The following PCNX2 variants were observed in gnomAD, a reference collection of about 807,000 sequenced individuals.
The protein encoded by PCNX2 is pecanex 2.
A neutral mutation model predicts 223.8 loss-of-function variants in PCNX2; 168 were observed. That is an observed-to-expected ratio of 0.75 (90% CI 0.66 to 0.85). The LOEUF is 0.85. Among genes scored for constraint, PCNX2 ranks in the 40% least tolerant of loss-of-function variants. The pLI is 0.00. For missense variants in PCNX2, 2,507 were observed against 2,675.5 expected (o/e 0.94, Z 1.39); for synonymous variants, 1,006 against 1,052.6 (o/e 0.96, Z 0.86).
chr1:233,202,276 A>C, intron 13 of PCNX2: 1 of 460,146 alleles, frequency 2.2e-6, no homozygotes, highest in South Asian at 1.6e-5. Flanking sequence ...TTCTGTTAGC[A>C]TACCACTGAG....
intron 5 of PCNX2, among the ~76,000 whole-genome samples, chr1:233,256,362 C>T (rs1263444602): frequency 6.6e-6 from 1 of 152,158 alleles, no homozygotes; most frequent in Non-Finnish European, 1.5e-5. Context: ...AGAAGAAACT[C>T]CAACACAGAT....
rs1669638001 is a variant in PCNX2, at chr1:232,990,048, T to C, written c.5792-3508A>G. Among the ~76,000 whole-genome samples the C allele has an allele frequency of 6.6e-6, 1 of 152,236 alleles. No individual in the cohort carries two copies. Among genetic ancestry groups the C allele is most frequent in the South Asian group, 2.1e-4 (1 of 4,838 alleles). ...CTGGCCAAGCAGGTCTCTGGCTTCC[T>C]TTCTGGGAGCTGTGTGTCTCAACTC... On this transcript the variant is annotated intron_variant, in intron 32 of 33. Coordinates refer to ENST00000258229, the MANE Select transcript of PCNX2 (RefSeq NM_014801.4). This position sits in a 1 kb window ranked among gnomAD's most constrained non-coding sequence, Gnocchi z 4.3.
At chr1:233,226,452 T>C (rs1657725726) in intron 10 of PCNX2, among the ~76,000 whole-genome samples, 1 of 152,164 alleles carries the variant, frequency 6.6e-6, no homozygotes, top group Non-Finnish European at 1.5e-5. Flanking sequence ...GTATTTTTAG[T>C]AGAGATAGGA....
At chr1:233,002,240 T>C (rs1316380613) in intron 28 of PCNX2, among the ~76,000 whole-genome samples, 4 of 152,168 alleles carry the variant, frequency 2.6e-5, no homozygotes, top group African/African-American at 7.2e-5. Context: ...CCACCATTTT[T>C]TTTAATGATG....
chr1:233,241,998 G>A (rs1658800526), intron 8 of PCNX2, among the ~76,000 whole-genome samples: 4 of 152,068 alleles, frequency 2.6e-5, no homozygotes, highest in Admixed American at 2.6e-4. Flanking sequence ...TGGCTTTAGA[G>A]GACTTTCCTG....
At position 233,252,748 on chromosome 1, in the gene PCNX2, A is replaced by C. The variant is rs751785610; in HGVS notation, c.1875T>G (p.Asn625Lys). 16 of 1,612,496 alleles carry C rather than the reference A, an allele frequency of 9.9e-6. No individual in the cohort carries two copies. The highest frequency in any genetic ancestry group is 1.3e-5 in the Non-Finnish European group (15 of 1,179,600). The change falls in exon 6 of 34, where the codon AAT (asparagine) becomes AAG (lysine). Residue 625 changes from asparagine to lysine, a missense_variant. Asn to Lys is a moderately conservative substitution (Grantham distance 94). This residue lies in a region of PCNX2 where 1,031 missense variants were observed against 1,021.7 expected (regional missense o/e 1.01). Transcript: ENST00000258229. ...TAGAACTGTGTCCACTGGGCTTTTC[A>C]TTTTCCAGGATTTCCTCCTTTTTTT... ...SQEKKEEILE[N>K]EKPSGHSSKQ...
At chr1:233,011,841 T>C (rs1315859667) in intron 28 of PCNX2, among the ~76,000 whole-genome samples, 1 of 152,212 alleles carries the variant, frequency 6.6e-6, no homozygotes, top group East Asian at 1.9e-4. Context: ...TCCTTTAAAA[T>C]ATCCTTCATA....
chr1:233,317,496 A>G, the PCNX2 span, among the ~76,000 whole-genome samples: 1 of 152,210 alleles, frequency 6.6e-6, no homozygotes, highest in Non-Finnish European at 1.5e-5. Flanking sequence ...TTAATCTCAT[A>G]TATGTATAAT....
At chr1:233,093,432 G>A (rs370086658) in intron 22 of PCNX2, among the ~76,000 whole-genome samples, 279 of 152,284 alleles carry the variant, frequency 1.8e-3, no homozygotes, top group African/African-American at 6.4e-3. Context: ...CCTTTTCAAT[G>A]CTGAGATGGA....
intron 23 of PCNX2, among the ~76,000 whole-genome samples, chr1:233,060,162 T>C (rs953989232): frequency 1.3e-5 from 2 of 152,188 alleles, no homozygotes; most frequent in African/African-American, 4.8e-5. Context: ...AATACTCTCA[T>C]AGCAGCTTTG....
chr1:233,311,875 T>C, the PCNX2 span, among the ~76,000 whole-genome samples: 1 of 151,986 alleles, frequency 6.6e-6, no homozygotes, highest in African/African-American at 2.4e-5. Context: ...ATCCCAGCAT[T>C]TTGGGAGGCT....
rs555971195 is a variant in PCNX2, at chr1:233,232,933, T to G, written c.2358+3912A>C. On this transcript the variant is annotated intron_variant, in intron 9 of 33. Coordinates refer to ENST00000258229, the MANE Select transcript of PCNX2 (RefSeq NM_014801.4). ...AGAGCTTTAGAGTTTACAAAACACT[T>G]TCACATACAATACTATCTCATTTTT... The G allele has an allele frequency of 8.1e-6, 8 of 984,690 alleles. No individual in the cohort carries two copies. The African/African-American group carries it at 1.4e-4, about 17-fold the overall frequency. 61.0% of individuals were successfully genotyped at this position (984,690 alleles called of 1,614,324 possible).
intron 15 of PCNX2, among the ~76,000 whole-genome samples, chr1:233,183,641 G>A (rs1378966811): frequency 1.3e-5 from 2 of 152,140 alleles, no homozygotes; most frequent in African/African-American, 4.8e-5. Flanking sequence ...AAGAGTCCAC[G>A]CATCAAACAT....
intron 26 of PCNX2, among the ~76,000 whole-genome samples, chr1:233,017,791 G>A (rs1037600377): frequency 7.2e-5 from 11 of 152,164 alleles, no homozygotes; most frequent in Non-Finnish European, 1.5e-4. Context: ...TGAGAAGAAC[G>A]TAATGCTAAC....
the PCNX2 span, among the ~76,000 whole-genome samples, chr1:233,307,136 A>C: frequency 6.6e-6 from 1 of 152,218 alleles, no homozygotes; most frequent in African/African-American, 2.4e-5. Flanking sequence ...AAGTTGATGA[A>C]ATTATGGTTA....
rs915260390 is a variant in PCNX2 at position 233,253,036 on chromosome 1, T to C, written c.1835-248A>G. Among the ~76,000 whole-genome samples, 2 of 152,224 alleles carry C rather than the reference T, an allele frequency of 1.3e-5. No individual in the cohort carries two copies. The highest frequency in any genetic ancestry group is 1.3e-4 in the Admixed American group (2 of 15,284). On this transcript the variant is annotated intron_variant, in intron 5 of 33. Coordinates refer to ENST00000258229, the MANE Select transcript of PCNX2 (RefSeq NM_014801.4). The surrounding 1 kb of genome is among the most constrained non-coding windows in gnomAD (Gnocchi z 4.2). ...GTCTACAAACACCTACTATTTTATA[T>C]ACAGGTTGAGGGACTCCCTTGAAAT...
At chr1:232,988,818 C>A (rs1200899272) in intron 32 of PCNX2, among the ~76,000 whole-genome samples, 1 of 152,206 alleles carries the variant, frequency 6.6e-6, no homozygotes, top group Non-Finnish European at 1.5e-5. Context: ...GTGACATATG[C>A]TTTTTACCCC....
upstream of PCNX2, among the ~76,000 whole-genome samples, chr1:233,297,792 C>A (rs1558439405): frequency 1.3e-5 from 2 of 152,136 alleles, no homozygotes; most frequent in Non-Finnish European, 2.9e-5. Context: ...CTGAAGCATG[C>A]ATGTGACATG....
chr1:233,107,211 A>G (rs1308046443), intron 21 of PCNX2, among the ~76,000 whole-genome samples: 1 of 151,892 alleles, frequency 6.6e-6, no homozygotes, highest in Admixed American at 6.6e-5. Context: ...ACACACACAC[A>G]CAAAACCATG....
Sources: gnomAD v4.1 joint callset for allele counts (sites outside exome capture counted in the v4.1 genomes callset) on GRCh38, gnomAD v4.1.1 for gene constraint, gnomAD v4.1.1 regional missense constraint, Gnocchi (gnomAD v3.1) non-coding constraint, MANE v1.5 for transcripts, NCBI Gene and HGNC (gene_info 2026-07-23, HGNC 2026-07-21) for gene names.